The following PFKFB3 variants were observed in gnomAD, a reference collection of about 807,000 sequenced individuals.
The protein encoded by PFKFB3 is 6-phosphofructo-2-kinase/fructose-2,6-biphosphatase 3.
PFKFB3 carries 33 observed loss-of-function variants against 68.0 expected under a neutral mutation model. The observed-to-expected ratio is 0.49, with a 90% CI of 0.37 to 0.65. The LOEUF (loss-of-function observed/expected upper bound fraction) is 0.65. Among genes scored for constraint, PFKFB3 ranks in the 30% least tolerant of loss-of-function variants. PFKFB3 has a pLI of 0.00. For synonymous variants in PFKFB3, 315 were observed against 288.2 expected (o/e 1.09, Z -0.94); for missense variants, 586 against 712.2 (o/e 0.82, Z 2.02).
intron 14 of PFKFB3, among the ~76,000 whole-genome samples, chr10:6,249,045 A>G (rs1339479377): frequency 6.6e-6 from 1 of 151,934 alleles, no homozygotes; most frequent in African/African-American, 2.4e-5. Context: ...ATGGTGGCAC[A>G]TGCCTGTCAT....
At chr10:6,178,146 C>T (rs1157882889) in intron 1 of PFKFB3, among the ~76,000 whole-genome samples, 1 of 152,182 alleles carries the variant, frequency 6.6e-6, no homozygotes, top group Non-Finnish European at 1.5e-5. Context: ...GAATCTGAAG[C>T]CCGGTGACCT....
At chr10:6,315,313 A>G in the PFKFB3 span, among the ~76,000 whole-genome samples, 1 of 152,134 alleles carries the variant, frequency 6.6e-6, no homozygotes, top group South Asian at 2.1e-4. Context: ...AGACCCCAAG[A>G]GAGGGTTCTT....
intron 1 of PFKFB3, among the ~76,000 whole-genome samples, chr10:6,192,984 C>A (rs1442618967): frequency 6.6e-6 from 1 of 152,166 alleles, no homozygotes; most frequent in African/African-American, 2.4e-5. Flanking sequence ...TGTCTGTCCA[C>A]CTCAGAGCCC....
chr10:6,319,220 T>C, the PFKFB3 span, among the ~76,000 whole-genome samples: 2 of 152,352 alleles, frequency 1.3e-5, no homozygotes, highest in Admixed American at 6.5e-5. Context: ...CCTATGTTCA[T>C]TGTGGCACTA....
chr10:6,212,837 TTTTTTTAGAAAC>T (rs1160275345), intron 1 of PFKFB3, among the ~76,000 whole-genome samples: 2 of 152,120 alleles, frequency 1.3e-5, no homozygotes, highest in Admixed American at 1.3e-4. Flanking sequence ...TTTTAAAGAT[TTTTTTTAGAAAC>T]TCTGCCCATA....
intron 1 of PFKFB3, among the ~76,000 whole-genome samples, chr10:6,183,614 A>AAAATATATAT (rs1242752213): frequency 1.6e-4 from 15 of 93,944 alleles, no homozygotes; most frequent in African/African-American, 5.1e-4. Context: ...AAAAAAAAAA[A>AAAATATATAT]ATATATATAT....
chr10:6,237,208 T>C (rs1444108439), downstream of PFKFB3, among the ~76,000 whole-genome samples: 1 of 152,276 alleles, frequency 6.6e-6, no homozygotes, highest in Non-Finnish European at 1.5e-5. Flanking sequence ...CCCGAGTCCC[T>C]GCACACCTTT....
At chr10:6,185,625 C>G (rs959586301) in intron 1 of PFKFB3, among the ~76,000 whole-genome samples, 5 of 147,126 alleles carry the variant, frequency 3.4e-5, no homozygotes, top group African/African-American at 5.0e-5. Context: ...CAGATCAGTA[C>G]TTCCTCCCCG....
chr10:6,310,708 A>G, the PFKFB3 span, among the ~76,000 whole-genome samples: 1 of 152,222 alleles, frequency 6.6e-6, no homozygotes, highest in Non-Finnish European at 1.5e-5. Context: ...GAATACTACT[A>G]TATTTGTGAA....
chr10:6,224,535 C>T lies in PFKFB3; in HGVS notation c.1341+322C>T, dbSNP rs530214699. 405 of 500,586 alleles carry T rather than the reference C, an allele frequency of 8.1e-4. 1 individual carries two copies. The highest frequency in any genetic ancestry group is 6.9e-3 in the African/African-American group (355 of 51,492). The allele number at this position is 500,586 out of a possible 1,614,324, so 31.0% of individuals were successfully genotyped here. ...TCAGTCTGTTCCCCAGGCTGGAGTGCGGTGGCGCAGTCACGGCTCACTGCA... is the reference window on the plus strand; with the variant it reads ...TCAGTCTGTTCCCCAGGCTGGAGTGTGGTGGCGCAGTCACGGCTCACTGCA... On this transcript the variant is annotated intron_variant, in intron 13 of 14. Coordinates refer to ENST00000379775, the MANE Select transcript of PFKFB3 (RefSeq NM_004566.4).
At chr10:6,179,813 C>T (rs1313484960) in intron 1 of PFKFB3, among the ~76,000 whole-genome samples, 1 of 152,088 alleles carries the variant, frequency 6.6e-6, no homozygotes, top group Non-Finnish European at 1.5e-5. Context: ...GCCCACCTTC[C>T]CCAAAGGCTG....
the PFKFB3 span, among the ~76,000 whole-genome samples, chr10:6,289,163 A>C: frequency 1.5e-5 from 2 of 132,770 alleles, no homozygotes; most frequent in Non-Finnish European, 3.3e-5. Flanking sequence ...TTGCCTGTTC[A>C]CTCTCATGGT....
At chr10:6,179,339 G>A (rs1430906924) in intron 1 of PFKFB3, among the ~76,000 whole-genome samples, 3 of 152,210 alleles carry the variant, frequency 2.0e-5, no homozygotes, top group Non-Finnish European at 2.9e-5. Context: ...TCTGCGCTGC[G>A]CTGCTTTTGA....
downstream of PFKFB3, among the ~76,000 whole-genome samples, chr10:6,255,080 G>A (rs113606900): frequency 2.2e-3 from 333 of 151,262 alleles, 1 homozygote; most frequent in African/African-American, 7.6e-3. Context: ...GTCTCCCAAA[G>A]TGCTGAGATT....
intron 1 of PFKFB3, among the ~76,000 whole-genome samples, chr10:6,177,444 C>CTTTCT (rs1554842956): frequency 9.2e-6 from 1 of 108,432 alleles, no homozygotes; most frequent in Non-Finnish European, 1.9e-5. Context: ...CTTTCTCTTT[C>CTTTCT]TTTCTTTCTT....
intron 1 of PFKFB3, among the ~76,000 whole-genome samples, chr10:6,188,975 C>T (rs1842951199): frequency 6.6e-6 from 1 of 151,944 alleles, no homozygotes; most frequent in Admixed American, 6.6e-5. Context: ...GCTGGGACTA[C>T]AGGCGCCCGC....
intron 1 of PFKFB3, among the ~76,000 whole-genome samples, chr10:6,171,374 T>C (rs895579408): frequency 8.0e-5 from 12 of 150,816 alleles, no homozygotes; most frequent in Non-Finnish European, 1.6e-4. Flanking sequence ...TATTTTTAAC[T>C]CATCTTTTAA....
chr10:6,206,265 G>A (rs1417781416), intron 1 of PFKFB3, among the ~76,000 whole-genome samples: 2 of 143,976 alleles, frequency 1.4e-5, no homozygotes, highest in African/African-American at 2.6e-5. Flanking sequence ...CACAGGGTTG[G>A]GGGTAAGGTC....
intron 1 of PFKFB3, among the ~76,000 whole-genome samples, chr10:6,158,374 G>A (rs1841870736): frequency 6.6e-6 from 1 of 152,130 alleles, no homozygotes; most frequent in Non-Finnish European, 1.5e-5. Context: ...CACCTCTTTA[G>A]TGATCAGGAA....
Sources: allele counts gnomAD v4.1 joint callset (sites outside exome capture counted in the v4.1 genomes callset), GRCh38; gene constraint gnomAD v4.1.1; transcripts MANE v1.5; gene names NCBI Gene and HGNC (gene_info 2026-07-23, HGNC 2026-07-21).